The following MTMR14 variants were observed in gnomAD, a reference collection of about 807,000 sequenced individuals.
MTMR14 encodes myotubularin related protein 14.
In MTMR14, 48 loss-of-function variants were observed where a neutral mutation model predicts 86.3. The observed-to-expected ratio is 0.56, with a 90% CI of 0.44 to 0.71. The LOEUF is 0.71. Ranked by LOEUF, MTMR14 falls within the 30% of genes least tolerant of loss-of-function variation. The probability of loss-of-function intolerance (pLI) is 0.00; values close to 1 mark genes in which losing one functional copy is unlikely to be tolerated. For synonymous variants in MTMR14, 366 were observed against 326.1 expected, an observed-to-expected ratio of 1.12 and a Z score of -1.32; for missense variants, 780 against 834.6, an observed-to-expected ratio of 0.93 and a Z score of 0.81.
In MTMR14 at chr3:9,690,860, C is replaced by G. The variant is rs1326259701; in HGVS notation, c.1613+717C>G. ...GAATAAAGCAGCGTGGGACTTCAGGCCCTTAGTGAATTCCAGGGAAAAAGG... is the reference window on the plus strand; with the variant it reads ...GAATAAAGCAGCGTGGGACTTCAGGGCCTTAGTGAATTCCAGGGAAAAAGG... On this transcript the variant is annotated intron_variant, in intron 17 of 18. Transcript: ENST00000296003. 2.6e-5 allele frequency among the ~76,000 whole-genome samples: 4 copies of G among 152,310 alleles called. No homozygotes were observed. The South Asian group carries it at 6.2e-4, about 24-fold the overall frequency.
Position 9,697,768 on chromosome 3 carries a change from G to C in MTMR14, c.1671G>C (p.Gln557His). 6.2e-7 allele frequency: 1 copy of C among 1,614,190 alleles called. No individual in the cohort carries two copies. Among genetic ancestry groups the C allele is most frequent in the Non-Finnish European group, 8.5e-7 (1 of 1,180,038 alleles). ...TCTCCACAGACTATGGCAGCTGGCAGATGGTAACGGGCTGTGGCAGTATTC... is the reference window on the plus strand; with the variant it reads ...TCTCCACAGACTATGGCAGCTGGCACATGGTAACGGGCTGTGGCAGTATTC... The part of the protein sequence containing the change: ...SSLSTDYGSW[Q>H]MVTGCGSIQE... Residue 557 changes from glutamine (Q) to histidine (H), a missense_variant, in exon 18 of 19, where the codon CAG becomes CAC. Gln to His is a conservative substitution (Grantham distance 24). Coordinates refer to ENST00000296003, the MANE Select transcript of MTMR14 (RefSeq NM_001077525.3).
chr3:9,697,365 T>G (rs1402080863), intron 17 of MTMR14, among the ~76,000 whole-genome samples: 1 of 152,146 alleles, frequency 6.6e-6, no homozygotes, highest in South Asian at 2.1e-4. Flanking sequence ...CTTGCTGCCT[T>G]CCTTTGGTGC....
chr3:9,674,729 G>A lies in MTMR14; in HGVS notation c.751+1971G>A, dbSNP rs542829709. On this transcript the variant is annotated intron_variant, in intron 7 of 18. Coordinates refer to ENST00000296003, the MANE Select transcript of MTMR14 (RefSeq NM_001077525.3). ...CATAGTATACTCTCAACTAAGTAAAGGAAAATGTGCTTATAAAAAAGGCTT... is the reference window on the plus strand; with the variant it reads ...CATAGTATACTCTCAACTAAGTAAAAGAAAATGTGCTTATAAAAAAGGCTT... 1.1e-4 allele frequency among the ~76,000 whole-genome samples: 17 copies of A among 152,322 alleles called. 1 individual carries two copies. In the South Asian group the frequency reaches 3.3e-3, roughly 30 times the overall value.
rs778625656 is a variant in MTMR14 at position 9,649,727 on chromosome 3, G to T, written c.144G>T (p.Gly48=). Residue 48 remains glycine, a synonymous_variant, in exon 1 of 19, where the codon GGG becomes GGT. Coordinates refer to ENST00000296003, the MANE Select transcript of MTMR14 (RefSeq NM_001077525.3). ...RTQYRAKDGS[G]TGGSKVERIE... is the part of the protein sequence containing the mutation. ...AGTACCGGGCCAAGGATGGCAGCGG[G>T]ACCGGCGGCTCTAAGGTGAGATTGG... 2 of 1,613,566 alleles carry T rather than the reference G, an allele frequency of 1.2e-6. No homozygotes were observed. The highest frequency in any genetic ancestry group is 1.7e-6 in the Non-Finnish European group (2 of 1,179,854).
chr3:9,649,514 T>C lies in MTMR14; in HGVS notation c.-70T>C. On this transcript the variant is annotated 5_prime_UTR_variant, in exon 1 of 19. Transcript: ENST00000296003. ...GCTGAGGCGGTTCCGGAGGTTCTAG[T>C]GTCGGAGTTGGGTGCAGGCAGGTGC... 6.7e-7 allele frequency: 1 copy of C among 1,483,400 alleles called. No individual in the cohort carries two copies. The highest frequency in any genetic ancestry group is 8.9e-7 in the Non-Finnish European group (1 of 1,120,494). 91.9% of individuals were successfully genotyped at this position (1,483,400 alleles called of 1,614,324 possible).
chr3:9,653,029 G>A (rs1247137502), intron 1 of MTMR14, among the ~76,000 whole-genome samples: 1 of 152,220 alleles, frequency 6.6e-6, no homozygotes, highest in African/African-American at 2.4e-5. Flanking sequence ...CTGAGGTCAG[G>A]AGTTTGAAAC....
In MTMR14 at chr3:9,701,913, C is replaced by T. The variant is rs770888067; in HGVS notation, c.1893C>T (p.Gly631=). 19 of 1,614,096 alleles carry T rather than the reference C, an allele frequency of 1.2e-5. No homozygotes were observed. Among genetic ancestry groups the T allele is most frequent in the Non-Finnish European group, 1.5e-5 (18 of 1,180,054 alleles). The stretch of plus-strand genomic sequence containing the variant: ...CCAGTCCTTCCGGTGCCATCGGGGG[C>T]CTGCTGGAGCAATTTGCCCGTGGTG... The part of the protein sequence containing the change: ...VAPSPSGAIG[G]LLEQFARGVG... Residue 631 remains glycine (G), a synonymous_variant, in exon 19 of 19, where the codon GGC becomes GGT. Transcript: ENST00000296003. This position sits in a 1 kb window ranked among gnomAD's most constrained non-coding sequence, Gnocchi z 4.2.
At chr3:9,662,244 T>A in intron 2 of MTMR14, 23 bp from the exon 3 acceptor site, 1 of 1,606,090 alleles carries the variant, frequency 6.2e-7, no homozygotes, top group Non-Finnish European at 8.5e-7. Context: ...CAGCTTGACC[T>A]GCTTCTCTTG....
chr3:9,673,401 A>C (rs2048676922), intron 7 of MTMR14, among the ~76,000 whole-genome samples: 1 of 152,250 alleles, frequency 6.6e-6, no homozygotes, highest in Non-Finnish European at 1.5e-5. Flanking sequence ...TCTGCACTGG[A>C]TATTAAAGCT....
chr3:9,665,493 A>T (rs966840664), intron 3 of MTMR14, among the ~76,000 whole-genome samples: 4 of 152,112 alleles, frequency 2.6e-5, no homozygotes, highest in African/African-American at 9.7e-5. Context: ...GAAGAGGAGG[A>T]GGAGGCAAGG....
chr3:9,681,798 G>A, intron 9 of MTMR14, among the ~76,000 whole-genome samples: 1 of 151,962 alleles, frequency 6.6e-6, no homozygotes. Context: ...TTAAGAATGT[G>A]GACTTTGGAG....
chr3:9,655,461 CTTTTT>C (rs779901219), intron 2 of MTMR14, among the ~76,000 whole-genome samples: 5 of 59,312 alleles, frequency 8.4e-5, no homozygotes, highest in African/African-American at 2.5e-4. Context: ...CCCTTGATGT[CTTTTT>C]TTTTTTTTTT....
At chr3:9,655,806 G>A (rs768975338) in intron 2 of MTMR14, among the ~76,000 whole-genome samples, 14 of 151,994 alleles carry the variant, frequency 9.2e-5, no homozygotes, top group Admixed American at 1.3e-4. Flanking sequence ...GCTGCTGCAG[G>A]CCATGGGGAG....
At chr3:9,700,361 G>A (rs969900858) in intron 18 of MTMR14, 5 of 152,204 alleles carry the variant, frequency 3.3e-5, no homozygotes, top group African/African-American at 1.2e-4. Flanking sequence ...GTGACCCCTA[G>A]AGAGGGCCCT....
At chr3:9,673,958 T>C (rs971780027) in intron 7 of MTMR14, among the ~76,000 whole-genome samples, 6 of 152,038 alleles carry the variant, frequency 3.9e-5, no homozygotes, top group Admixed American at 3.9e-4. Flanking sequence ...ATGGTGATGA[T>C]GATGATGATG....
intron 10 of MTMR14, 116 bp downstream of exon 10, chr3:9,683,360 G>A (rs925200607): frequency 7.0e-6 from 7 of 1,006,572 alleles, no homozygotes; most frequent in Non-Finnish European, 1.1e-5. Context: ...TGCTGTGGGA[G>A]AGGAATTTGG....
intron 9 of MTMR14, among the ~76,000 whole-genome samples, chr3:9,682,944 G>A (rs535451353): frequency 1.3e-4 from 14 of 108,130 alleles, no homozygotes; most frequent in African/African-American, 5.1e-4. Flanking sequence ...CCCCCCCCCC[G>A]CCCCCGCCCC....
intron 2 of MTMR14, chr3:9,659,730 C>T (rs1217787292): frequency 4.4e-6 from 2 of 456,230 alleles, no homozygotes; most frequent in Non-Finnish European, 8.8e-6. Flanking sequence ...GCATGAGCCA[C>T]TGTGCCTGGC....
At chr3:9,684,808 C>A in intron 11 of MTMR14, 80 bp from the exon 12 acceptor site, 1 of 1,556,308 alleles carries the variant, frequency 6.4e-7, no homozygotes, top group Non-Finnish European at 8.9e-7. Context: ...CTTCAGCCTG[C>A]GTTGTCACTG....
Sources: gnomAD v4.1 joint callset for allele counts (sites outside exome capture counted in the v4.1 genomes callset) on GRCh38, gnomAD v4.1.1 for gene constraint, Gnocchi (gnomAD v3.1) non-coding constraint, MANE v1.5 for transcripts, NCBI Gene and HGNC (gene_info 2026-07-23, HGNC 2026-07-21) for gene names.